Variants in MMP26 observed in about 807,000 individuals in gnomAD.
MMP26 encodes matrix metalloproteinase-26.
Under a neutral mutation model 31.0 loss-of-function variants are expected in MMP26, and 33 were observed. That is an observed-to-expected ratio of 1.06 (90% confidence interval 0.81 to 1.42). The LOEUF is 1.42. MMP26 is among the 40% of genes most tolerant of loss of function. The pLI, the probability that MMP26 is intolerant of heterozygous loss-of-function variation, is 0.00. For missense variants in MMP26, 347 were observed against 316.1 expected, an observed-to-expected ratio of 1.10 and a Z score of -0.74; for synonymous variants, 122 against 114.9, an observed-to-expected ratio of 1.06 and a Z score of -0.40.
intron 1 of MMP26, among the ~76,000 whole-genome samples, chr11:4,737,855 A>G (rs1327876949): frequency 1.3e-5 from 2 of 152,210 alleles, no homozygotes; most frequent in Non-Finnish European, 2.9e-5. Flanking sequence ...AAAAATATAC[A>G]TGTATGTGAA....
chr11:4,755,220 C>T (rs572378601), intron 1 of MMP26, among the ~76,000 whole-genome samples: 3 of 93,704 alleles, frequency 3.2e-5, no homozygotes, highest in Admixed American at 1.3e-4. Flanking sequence ...ATTAAATTTT[C>T]ATCACAAATA....
intron 2 of MMP26, among the ~76,000 whole-genome samples, chr11:4,975,552 C>T (rs988127061): frequency 6.6e-6 from 1 of 152,016 alleles, no homozygotes; most frequent in Non-Finnish European, 1.5e-5. Flanking sequence ...TTCTTTCCTG[C>T]CAGGACGGAG....
chr11:4,775,293 C>G (rs1447225559), intron 2 of MMP26, among the ~76,000 whole-genome samples: 3 of 152,066 alleles, frequency 2.0e-5, no homozygotes, highest in Non-Finnish European at 4.4e-5. Context: ...TGTGTCCTCT[C>G]TGGTTTCCTT....
chr11:4,850,736 A>G (rs1179654068), intron 2 of MMP26, among the ~76,000 whole-genome samples: 2 of 151,880 alleles, frequency 1.3e-5, no homozygotes, highest in Non-Finnish European at 2.9e-5. Context: ...TAAATAAAAT[A>G]TAACTTTCAA....
At chr11:4,906,202 ACTCCAAAGTACTTATCCACTG>A (rs1850885731) in intron 2 of MMP26, among the ~76,000 whole-genome samples, 1 of 152,138 alleles carries the variant, frequency 6.6e-6, no homozygotes, top group South Asian at 2.1e-4. Flanking sequence ...AGAATACGTA[ACTCCAAAGTACTTATCCACTG>A]CTCCATTTCT....
chr11:4,766,715 C>CCCTCCCTTCCTTCCTT (rs146904358), intron 1 of MMP26, among the ~76,000 whole-genome samples: 1 of 113,892 alleles, frequency 8.8e-6, no homozygotes, highest in Non-Finnish European at 1.8e-5. Flanking sequence ...CTCCCTCCCT[C>CCCTCCCTTCCTTCCTT]CCTTCCTTCC....
At chr11:4,951,643 T>TTTTAATATATCA (rs1846374907) in intron 2 of MMP26, among the ~76,000 whole-genome samples, 1 of 124,428 alleles carries the variant, frequency 8.0e-6, no homozygotes, top group African/African-American at 2.7e-5. Flanking sequence ...AGAATGGCCA[T>TTTTAATATATCA]TTTAATATAT....
At chr11:4,932,059 G>A (rs1265286624) in intron 2 of MMP26, among the ~76,000 whole-genome samples, 1 of 152,064 alleles carries the variant, frequency 6.6e-6, no homozygotes, top group East Asian at 1.9e-4. Context: ...ATGATCAGCT[G>A]AAATAGCACT....
At chr11:4,988,427 A>G (rs538445300) in intron 3 of MMP26, 117 bp downstream of exon 3, 3 of 784,338 alleles carry the variant, frequency 3.8e-6, no homozygotes, top group East Asian at 2.5e-5. Flanking sequence ...TTAATATTAC[A>G]CATGAAAACA....
At chr11:4,972,574 C>T (rs1846679654) in intron 2 of MMP26, among the ~76,000 whole-genome samples, 1 of 152,110 alleles carries the variant, frequency 6.6e-6, no homozygotes, top group South Asian at 2.1e-4. Flanking sequence ...AAAATAAGTA[C>T]TTTAAATAAA....
intron 2 of MMP26, chr11:4,787,302 C>T (rs34231378): frequency 0.094 from 14,394 of 152,354 alleles, 855 homozygotes; most frequent in Middle Eastern, 0.16. Flanking sequence ...ACTGCTTCCA[C>T]CCTGATGCGC....
chr11:4,933,329 A>G (rs1040747490), intron 2 of MMP26, among the ~76,000 whole-genome samples: 15 of 152,244 alleles, frequency 9.9e-5, no homozygotes, highest in Middle Eastern at 3.4e-3. Context: ...AGTAGTAAAA[A>G]GGCGGACAAT....
intron 2 of MMP26, among the ~76,000 whole-genome samples, chr11:4,930,633 A>G (rs537592267): frequency 2.0e-5 from 3 of 152,210 alleles, no homozygotes; most frequent in East Asian, 3.9e-4. Flanking sequence ...GTCTTTAATC[A>G]AAGTATTGAA....
chr11:4,846,105 T>C lies in MMP26; in HGVS notation c.-145+78764T>C, dbSNP rs1009048972. On this transcript the variant is annotated intron_variant, in intron 2 of 7. Transcript: ENST00000380390. The stretch of plus-strand genomic sequence containing the variant: ...TATTAAAGACGTATCTGCACTCCCA[T>C]GTTTGCTGCAGCATGGTTCACAATA... Among the ~76,000 whole-genome samples, 9 of 152,306 alleles carry C rather than the reference T, an allele frequency of 5.9e-5. No homozygotes were observed. In the East Asian group the frequency reaches 1.5e-3, roughly 26 times the overall value.
At chr11:4,803,957 A>G (rs1849224508) in intron 2 of MMP26, 2 of 1,613,532 alleles carry the variant, frequency 1.2e-6, no homozygotes, top group Non-Finnish European at 1.7e-6. Context: ...ATCACGACCG[A>G]TGGGGTCAGG....
chr11:4,841,736 C>T (rs919806282), intron 2 of MMP26, among the ~76,000 whole-genome samples: 3 of 152,158 alleles, frequency 2.0e-5, no homozygotes, highest in Non-Finnish European at 4.4e-5. Flanking sequence ...AGTTCGAGAC[C>T]AGTCTGACCA....
intron 2 of MMP26, among the ~76,000 whole-genome samples, chr11:4,813,917 A>T (rs1849384700): frequency 6.6e-6 from 1 of 152,226 alleles, no homozygotes; most frequent in Non-Finnish European, 1.5e-5. Context: ...TGACAAAGAG[A>T]GCCCCGTAAT....
intron 2 of MMP26, among the ~76,000 whole-genome samples, chr11:4,910,253 C>G (rs1193247412): frequency 6.6e-6 from 1 of 151,998 alleles, no homozygotes; most frequent in African/African-American, 2.4e-5. Flanking sequence ...CTTCCTGTGA[C>G]TTTATTCTAT....
At chr11:4,893,513 T>C (rs1368979481) in intron 2 of MMP26, among the ~76,000 whole-genome samples, 1 of 152,134 alleles carries the variant, frequency 6.6e-6, no homozygotes, top group Non-Finnish European at 1.5e-5. Flanking sequence ...TCTTCAAAAG[T>C]CATGTCCTCA....
Sources: allele counts gnomAD v4.1 joint callset (sites outside exome capture counted in the v4.1 genomes callset), GRCh38; gene constraint gnomAD v4.1.1; transcripts MANE v1.5; gene names NCBI Gene and HGNC (gene_info 2026-07-23, HGNC 2026-07-21).